MBTPS2: variants seen among roughly 807,000 people sequenced by gnomAD.
MBTPS2 encodes the protein membrane bound transcription factor peptidase, site 2, also known as membrane-bound transcription factor site-2 protease.
MBTPS2 carries 2 observed loss-of-function variants against 35.4 expected under a neutral mutation model. That is an observed-to-expected ratio of 0.06 (90% CI 0.02 to 0.18). The LOEUF is 0.18. Ranked by LOEUF, MBTPS2 falls within the 10% of genes least tolerant of loss-of-function variation. The pLI is 1.00. For synonymous variants in MBTPS2, 125 were observed against 140.4 expected (o/e 0.89, Z 0.77); for missense variants, 244 against 386.5 (o/e 0.63, Z 3.09).
chrX:21,856,689 A>T, intron 5 of MBTPS2: 1 of 1,211,738 alleles, frequency 8.3e-7, no homozygotes, highest in East Asian at 3.0e-5. Flanking sequence ...CTTCACGAAC[A>T]CGGGCTATGG....
intron 7 of MBTPS2, among the ~76,000 whole-genome samples, chrX:21,875,195 G>A (rs190815956): frequency 8.9e-6 from 1 of 112,267 alleles, no homozygotes; most frequent in East Asian, 2.8e-4. Flanking sequence ...GCCAAATCCA[G>A]CCTTAGCAGA....
In MBTPS2 at chrX:21,839,702, G is replaced by C. The variant is rs1362884081; in HGVS notation, c.-33G>C. On this transcript the variant is annotated 5_prime_UTR_variant, in exon 1 of 11. Transcript: ENST00000379484. The stretch of plus-strand genomic sequence containing the variant: ...GCGGTGCAGGGAGGAGGACGCCGGG[G>C]CTCGCCTTCCCTCCTCTGCCGCCGC... 2 of 1,161,709 alleles carry C rather than the reference G, an allele frequency of 1.7e-6. No individual in the cohort carries two copies. Among genetic ancestry groups the C allele is most frequent in the African/African-American group, 3.6e-5 (2 of 55,789 alleles).
At chrX:21,848,287 C>T (rs1049874340) in intron 3 of MBTPS2, among the ~76,000 whole-genome samples, 25 of 109,315 alleles carry the variant, frequency 2.3e-4, no homozygotes, top group Admixed American at 5.9e-4. Context: ...GGTGTAGTGG[C>T]GTGTGCCTGT....
chrX:21,884,858 A>T lies in MBTPS2; in HGVS notation c.*2203A>T, dbSNP rs1259988900. Reference sequence around the variant, plus strand: ...AAGTATTATTGAATATTTACTGTAAATATATGTTCACATAAAAAAATAACT... The same window carrying T: ...AAGTATTATTGAATATTTACTGTAATTATATGTTCACATAAAAAAATAACT... On this transcript the variant is annotated 3_prime_UTR_variant, in exon 11 of 11. Coordinates refer to ENST00000379484, the MANE Select transcript of MBTPS2 (RefSeq NM_015884.4). The T allele has an allele frequency of 2.8e-6, 2 of 714,532 alleles. No individual in the cohort carries two copies. The highest frequency in any genetic ancestry group is 3.3e-6 in the Non-Finnish European group (2 of 604,309). 58.9% of individuals were successfully genotyped at this position (714,532 alleles called of 1,213,427 possible).
At chrX:21,847,189 G>A (rs368560127) in intron 3 of MBTPS2, among the ~76,000 whole-genome samples, 1 of 111,597 alleles carries the variant, frequency 9.0e-6, no homozygotes, top group African/African-American at 3.3e-5. Flanking sequence ...ATGGCAAAAC[G>A]TTGTTTAGAG....
intron 2 of MBTPS2, among the ~76,000 whole-genome samples, chrX:21,844,706 T>G (rs1306595694): frequency 1.9e-5 from 2 of 107,561 alleles, no homozygotes; most frequent in East Asian, 6.0e-4. Flanking sequence ...AATGGTAGCT[T>G]TTAATAATTA....
chrX:21,843,146 G>A, intron 1 of MBTPS2, 24 bp from the exon 2 acceptor site: 1 of 1,180,761 alleles, frequency 8.5e-7, no homozygotes, highest in Non-Finnish European at 1.2e-6. Context: ...ATTGAGTGAT[G>A]TAGAACTTTT....
At chrX:21,843,838 G>A (rs1350398843) in intron 2 of MBTPS2, among the ~76,000 whole-genome samples, 1 of 111,204 alleles carries the variant, frequency 9.0e-6, no homozygotes, top group African/African-American at 3.3e-5. Flanking sequence ...AATTGGGCCG[G>A]GCGCAGTGGT....
At chrX:21,847,977 A>C (rs1329717992) in intron 3 of MBTPS2, among the ~76,000 whole-genome samples, 1 of 112,683 alleles carries the variant, frequency 8.9e-6, no homozygotes, top group African/African-American at 3.2e-5. Flanking sequence ...ACACTTTCAA[A>C]TATAGAAAAA....
intron 1 of MBTPS2, among the ~76,000 whole-genome samples, 168 bp downstream of exon 1, chrX:21,839,977 G>A (rs1179863305): frequency 2.7e-5 from 3 of 112,002 alleles, no homozygotes; most frequent in African/African-American, 9.7e-5. Context: ...CCGGCCGCGG[G>A]AGGGTTGTGG....
At chrX:21,842,592 C>G (rs1398708379) in intron 1 of MBTPS2, among the ~76,000 whole-genome samples, 2 of 110,955 alleles carry the variant, frequency 1.8e-5, no homozygotes, top group Non-Finnish European at 3.8e-5. Context: ...GAAGTAATGC[C>G]CCCCCCAAAA....
chrX:21,874,776 G>A (rs2092951300), intron 7 of MBTPS2, among the ~76,000 whole-genome samples: 1 of 111,785 alleles, frequency 8.9e-6, no homozygotes, highest in African/African-American at 3.3e-5. Context: ...AATTCCCCTG[G>A]GGACATCCTA....
At chrX:21,868,424 C>T in intron 5 of MBTPS2, 43 bp from the exon 6 acceptor site, 1 of 828,772 alleles carries the variant, frequency 1.2e-6, no homozygotes, top group Non-Finnish European at 1.8e-6. Flanking sequence ...TATATCATTC[C>T]TGCCCCCGGT....
At chrX:21,847,841 A>G (rs1157574904) in intron 3 of MBTPS2, among the ~76,000 whole-genome samples, 2 of 112,075 alleles carry the variant, frequency 1.8e-5, no homozygotes, top group African/African-American at 3.2e-5. Flanking sequence ...AAAAAGGGAC[A>G]TAGAAGTTCT....
chrX:21,844,468 C>T (rs1252383467), intron 2 of MBTPS2, among the ~76,000 whole-genome samples: 2 of 111,954 alleles, frequency 1.8e-5, no homozygotes, highest in African/African-American at 3.2e-5. Flanking sequence ...GAGCTGTGAC[C>T]GTGCCACTGC....
chrX:21,884,388 A>G lies in MBTPS2; in HGVS notation c.*1733A>G. ...TTATATAATTAATTTGATTGCATGA[A>G]CTAAGCAATTTTACTAATGAAAAGG... On this transcript the variant is annotated 3_prime_UTR_variant, in exon 11 of 11. Coordinates refer to ENST00000379484, the MANE Select transcript of MBTPS2 (RefSeq NM_015884.4). The G allele has an allele frequency of 1.5e-6, 1 of 686,323 alleles. No individual in the cohort carries two copies. Among genetic ancestry groups the G allele is most frequent in the Non-Finnish European group, 1.7e-6 (1 of 576,855 alleles). 56.6% of individuals were successfully genotyped at this position (686,323 alleles called of 1,213,427 possible).
intron 3 of MBTPS2, among the ~76,000 whole-genome samples, chrX:21,848,541 G>A (rs957984330): frequency 4.6e-5 from 5 of 109,367 alleles, no homozygotes; most frequent in Admixed American, 9.8e-5. Flanking sequence ...TTAGCCGGGC[G>A]TGGTGGCGGA....
Position 21,883,461 on chromosome X carries a change from G to A in MBTPS2, c.*806G>A. On this transcript the variant is annotated 3_prime_UTR_variant, in exon 11 of 11. Transcript: ENST00000379484. Reference sequence around the variant, plus strand: ...ACTTCGGAACTAGGCCGGGTCTCCTGACAGATCACAAGACACCCCAGAGGA... The same window carrying A: ...ACTTCGGAACTAGGCCGGGTCTCCTAACAGATCACAAGACACCCCAGAGGA... 1 of 754,429 alleles carries A rather than the reference G, an allele frequency of 1.3e-6. No homozygotes were observed. Among genetic ancestry groups the A allele is most frequent in the Non-Finnish European group, 1.6e-6 (1 of 639,533 alleles). 62.2% of individuals were successfully genotyped at this position (754,429 alleles called of 1,213,427 possible). A position where few individuals can be genotyped will look rare whatever the true frequency, so the allele number is the denominator to read the frequency against.
Position 21,867,257 on chromosome X carries a change from G to A in MBTPS2, c.671-1210G>A, listed in dbSNP as rs2092941349. On this transcript the variant is annotated intron_variant, in intron 5 of 10. Coordinates refer to ENST00000379484, the MANE Select transcript of MBTPS2 (RefSeq NM_015884.4). ...GCCAAAGAATAGATGAAAATGTATT[G>A]TAAATTAAAAGTTGCATTTAATTTA... Among the ~76,000 whole-genome samples the A allele has an allele frequency of 4.5e-5, 5 of 112,022 alleles. No homozygotes were observed. The South Asian group carries it at 1.8e-3, about 41-fold the overall frequency.
Sources: allele counts gnomAD v4.1 joint callset (sites outside exome capture counted in the v4.1 genomes callset), GRCh38; gene constraint gnomAD v4.1.1; transcripts MANE v1.5; gene names NCBI Gene and HGNC (gene_info 2026-07-23, HGNC 2026-07-21).